The following DOC2B variants were observed in gnomAD, a reference collection of about 807,000 sequenced individuals.
The protein encoded by DOC2B is double C2-like domain-containing protein beta.
A neutral mutation model predicts 28.9 loss-of-function variants in DOC2B; 21 were observed. That is an observed-to-expected ratio of 0.73 (90% CI 0.52 to 1.05). The LOEUF (loss-of-function observed/expected upper bound fraction) is 1.05. Among genes scored for constraint, DOC2B ranks in the 50% least tolerant of loss-of-function variants. The pLI, the probability that DOC2B is intolerant of heterozygous loss-of-function variation, is 0.00. For missense variants in DOC2B, 384 were observed against 421.1 expected, an observed-to-expected ratio of 0.91 and a Z score of 0.77; for synonymous variants, 194 against 178.1, an observed-to-expected ratio of 1.09 and a Z score of -0.71.
At position 161,530 on chromosome 17, in the gene DOC2B, C is replaced by T; in HGVS notation, c.650G>A (p.Cys217Tyr). The change falls in exon 5 of 9, where the codon TGT (cysteine) becomes TAT (tyrosine). Residue 217 changes from cysteine (C) to tyrosine (Y), a missense_variant. Transcript: ENST00000613549. ...ATTGTGCCGGAATTTGTCCTCGTCACACACAGAGATCCTAGAGGGGGCGGT... is the reference window on the plus strand; with the variant it reads ...ATTGTGCCGGAATTTGTCCTCGTCATACACAGAGATCCTAGAGGGGGCGGT... ...MIRKTLRISV[C>Y]DEDKFRHNEF... 1 of 1,551,720 alleles carries T rather than the reference C, an allele frequency of 6.4e-7. No individual in the cohort carries two copies. The highest frequency in any genetic ancestry group is 8.7e-7 in the Non-Finnish European group (1 of 1,146,988).
At position 144,185 on chromosome 17, in the gene DOC2B, GGAT is replaced by G. The variant is rs2040003824; in HGVS notation, c.*3253_*3255del. On this transcript the variant is annotated 3_prime_UTR_variant, in exon 9 of 9. Coordinates refer to ENST00000613549, the MANE Select transcript of DOC2B (RefSeq NM_003585.5). ...GGCATCAGATTTCCTGTCTTTGTGG[GGAT>G]GATGGACCCGAGTAAAGATGCCCAT... The G allele has an allele frequency of 6.6e-6, 1 of 152,470 alleles. No individual in the cohort carries two copies. The highest frequency in any genetic ancestry group is 1.5e-5 in the Non-Finnish European group (1 of 67,966). The allele number at this position is 152,470 out of a possible 1,614,324, so 9.4% of individuals were successfully genotyped here.
intron 1 of DOC2B, among the ~76,000 whole-genome samples, chr17:177,236 G>A (rs561661146): frequency 5.3e-5 from 8 of 152,208 alleles, no homozygotes; most frequent in Admixed American, 3.3e-4. Context: ...GCTTAGAGAC[G>A]AGTGTTAAGA....
intron 1 of DOC2B, among the ~76,000 whole-genome samples, chr17:180,315 G>A (rs1169783099): frequency 6.6e-6 from 1 of 152,142 alleles, no homozygotes; most frequent in African/African-American, 2.4e-5. Context: ...CGCCAGGAGC[G>A]CCCACCGGCC....
chr17:151,453 C>T (rs1462657804), intron 6 of DOC2B, among the ~76,000 whole-genome samples: 5 of 152,116 alleles, frequency 3.3e-5, no homozygotes, highest in East Asian at 3.8e-4. Context: ...ATCCCAAACG[C>T]GCCAATAAGC....
intron 2 of DOC2B, 59 bp from the exon 3 acceptor site, chr17:164,263 C>T (rs373469778): frequency 2.0e-5 from 26 of 1,316,818 alleles, no homozygotes; most frequent in Admixed American, 4.0e-5. Flanking sequence ...ACTGACAGGG[C>T]CTGCAGATGC....
At chr17:151,320 G>C (rs574351215) in intron 6 of DOC2B, among the ~76,000 whole-genome samples, 1 of 152,292 alleles carries the variant, frequency 6.6e-6, no homozygotes, top group African/African-American at 2.4e-5. Flanking sequence ...GATACAGGTT[G>C]AGGATCCATT....
rs1555523245 is a variant in DOC2B, at chr17:161,533, A to G, written c.647T>C (p.Val216Ala). The change falls in exon 5 of 9, where the codon GTG (valine) becomes GCG (alanine). Residue 216 changes from valine (V) to alanine (A), a missense_variant. Transcript: ENST00000613549. ...DMIRKTLRISVCDEDKFRHNE... is the reference protein window; with the variant it reads ...DMIRKTLRISACDEDKFRHNE... ...GTGCCGGAATTTGTCCTCGTCACAC[A>G]CAGAGATCCTAGAGGGGGCGGTGGT... 2 of 1,551,668 alleles carry G rather than the reference A, an allele frequency of 1.3e-6. No homozygotes were observed. Among genetic ancestry groups the G allele is most frequent in the Non-Finnish European group, 1.7e-6 (2 of 1,146,978 alleles).
intron 1 of DOC2B, 133 bp downstream of exon 1, chr17:180,974 C>T (rs1012084270): frequency 3.9e-6 from 3 of 766,832 alleles, no homozygotes; most frequent in Non-Finnish European, 5.3e-6. Flanking sequence ...GGCCCGCAAG[C>T]CCGCGGCGGG....
At chr17:177,172 C>T (rs1199095513) in intron 1 of DOC2B, among the ~76,000 whole-genome samples, 1 of 152,072 alleles carries the variant, frequency 6.6e-6, no homozygotes, top group Non-Finnish European at 1.5e-5. Flanking sequence ...TTCAGCCAGG[C>T]CGGCACTGCA....
rs2040006323 is a variant in DOC2B at position 144,496 on chromosome 17, G to A, written c.*2945C>T. On this transcript the variant is annotated 3_prime_UTR_variant, in exon 9 of 9. Transcript: ENST00000613549. The stretch of plus-strand genomic sequence containing the variant: ...GCGGGTTTCGAACTCCTGACCTCAG[G>A]TGATCCGCCAGCCTCGGCCTCCCAA... 2 of 152,224 alleles carry A rather than the reference G, an allele frequency of 1.3e-5. No homozygotes were observed. The highest frequency in any genetic ancestry group is 4.8e-5 in the African/African-American group (2 of 41,460). 9.4% of individuals were successfully genotyped at this position (152,224 alleles called of 1,614,324 possible).
At chr17:179,307 G>A (rs1395952023) in intron 1 of DOC2B, among the ~76,000 whole-genome samples, 5 of 152,058 alleles carry the variant, frequency 3.3e-5, no homozygotes, top group Middle Eastern at 3.4e-3. Flanking sequence ...GCTCCCTGAA[G>A]GGCTGCTGAG....
intron 2 of DOC2B, among the ~76,000 whole-genome samples, chr17:169,588 G>A (rs2040288497): frequency 6.6e-6 from 1 of 152,106 alleles, no homozygotes; most frequent in Non-Finnish European, 1.5e-5. Flanking sequence ...AACTGGTAGT[G>A]CCAGGGGCCA....
rs747309146 is a variant in DOC2B, at chr17:181,518, G to C, written c.-39C>G. ...CCCCGCCCCGGGCGCGGCCCGGCCC[G>C]GCGCGACCCCGGCCCGGGGGCGGCT... On this transcript the variant is annotated 5_prime_UTR_variant, in exon 1 of 9. Transcript: ENST00000613549. The surrounding 1 kb of genome is among the most constrained non-coding windows in gnomAD (Gnocchi z 7.0). 7.7e-3 allele frequency: 7,611 copies of C among 986,020 alleles called. 42 individuals carry two copies. The highest frequency in any genetic ancestry group is 8.6e-3 in the Non-Finnish European group (7,140 of 830,910). The allele number at this position is 986,020 out of a possible 1,614,324, so 61.1% of individuals were successfully genotyped here.
chr17:166,181 C>T (rs1329113781), intron 2 of DOC2B, among the ~76,000 whole-genome samples: 1 of 152,244 alleles, frequency 6.6e-6, no homozygotes, highest in Non-Finnish European at 1.5e-5. Flanking sequence ...CCACACATTT[C>T]GCCAAAAGCA....
chr17:153,528 C>A (rs2040095501), intron 6 of DOC2B, among the ~76,000 whole-genome samples: 1 of 152,050 alleles, frequency 6.6e-6, no homozygotes, highest in Non-Finnish European at 1.5e-5. Context: ...CATGGTGAAA[C>A]CCCGTCTACT....
At chr17:148,561 G>A (rs2294079) in intron 7 of DOC2B, among the ~76,000 whole-genome samples, 1 of 151,864 alleles carries the variant, frequency 6.6e-6, no homozygotes, top group African/African-American at 2.4e-5. Context: ...GTCATCCTGG[G>A]CCTCTCTGGG....
At chr17:173,268 G>C (rs1048334496) in intron 1 of DOC2B, among the ~76,000 whole-genome samples, 15 of 152,156 alleles carry the variant, frequency 9.9e-5, no homozygotes, top group African/African-American at 3.4e-4. Flanking sequence ...GGGTGCAGCT[G>C]CCTCCCTCCC....
intron 6 of DOC2B, among the ~76,000 whole-genome samples, chr17:153,305 G>C (rs956963207): frequency 6.6e-6 from 1 of 152,236 alleles, no homozygotes; most frequent in Admixed American, 6.5e-5. Context: ...AAGTTGACCA[G>C]ACCATCTGTC....
chr17:156,524 A>C (rs1555522560), intron 5 of DOC2B, 147 bp from the exon 6 acceptor site: 5 of 821,948 alleles, frequency 6.1e-6, no homozygotes, highest in African/African-American at 1.7e-5. Context: ...GTGAACTCAC[A>C]GCCCTTCTGT....
Sources: gnomAD v4.1 joint callset for allele counts (sites outside exome capture counted in the v4.1 genomes callset) on GRCh38, gnomAD v4.1.1 for gene constraint, Gnocchi (gnomAD v3.1) non-coding constraint, MANE v1.5 for transcripts, NCBI Gene and HGNC (gene_info 2026-07-23, HGNC 2026-07-21) for gene names.